The following CD6 variants were observed in gnomAD, a reference collection of about 807,000 sequenced individuals.
CD6 encodes CD6 molecule, also known as T-cell differentiation antigen CD6.
Under a neutral mutation model 75.3 loss-of-function variants are expected in CD6, and 53 were observed. That is an observed-to-expected ratio of 0.70 (90% confidence interval 0.56 to 0.88). The LOEUF (loss-of-function observed/expected upper bound fraction) is 0.88. Ranked by LOEUF, CD6 falls within the 40% of genes least tolerant of loss-of-function variation. The pLI, the probability that CD6 is intolerant of heterozygous loss-of-function variation, is 0.00. For synonymous variants in CD6, 359 were observed against 381.5 expected, an observed-to-expected ratio of 0.94 and a Z score of 0.69; for missense variants, 770 against 897.1, an observed-to-expected ratio of 0.86 and a Z score of 1.81.
intron 8 of CD6, among the ~76,000 whole-genome samples, chr11:61,014,835 A>G (rs1349247902): frequency 6.6e-6 from 1 of 152,230 alleles, no homozygotes; most frequent in Non-Finnish European, 1.5e-5. Flanking sequence ...TGCATTATGA[A>G]TGTATTCAAT....
At chr11:61,014,127 T>G in intron 8 of CD6, 113 bp downstream of exon 8, 7 of 703,936 alleles carry the variant, frequency 9.9e-6, no homozygotes, top group Non-Finnish European at 1.4e-5. Context: ...GGAGATGAGA[T>G]CTGGGCCAGC....
At chr11:60,990,806 A>AGGCTGATGCGGG (rs1565147498) in intron 1 of CD6, among the ~76,000 whole-genome samples, 1 of 100,140 alleles carries the variant, frequency 1.0e-5, no homozygotes. Context: ...ACCCTACTGG[A>AGGCTGATGCGGG]CATATTGTTC....
chr11:60,976,158 C>T (rs1369284785), intron 1 of CD6, among the ~76,000 whole-genome samples: 1 of 152,138 alleles, frequency 6.6e-6, no homozygotes, highest in Non-Finnish European at 1.5e-5. Flanking sequence ...AATTTTCATT[C>T]CTCACTCCCC....
At chr11:61,006,748 G>GGT in intron 2 of CD6, 106 bp downstream of exon 2, 1 of 891,378 alleles carries the variant, frequency 1.1e-6, no homozygotes, top group Non-Finnish European at 1.8e-6. Flanking sequence ...GAGGCTCCCT[G>GGT]ACTTCAGACA....
At chr11:61,011,226 G>C in intron 6 of CD6, 91 bp downstream of exon 6, 1 of 836,822 alleles carries the variant, frequency 1.2e-6, no homozygotes, top group Non-Finnish European at 1.7e-6. Context: ...CCTGTGTTGG[G>C]GTGGAGGATG....
chr11:60,985,553 A>G (rs1857778040), intron 1 of CD6, among the ~76,000 whole-genome samples: 1 of 147,144 alleles, frequency 6.8e-6, no homozygotes, highest in Admixed American at 7.2e-5. Context: ...ATCTCAAACC[A>G]ATACTACTTA....
rs537284457 is a variant in CD6, at chr11:61,003,487, A to G, written c.50-3087A>G. The stretch of plus-strand genomic sequence containing the variant: ...GTGGCTCACGCCTGTAATCCCAACA[A>G]TTTGGGAGGCTGAGGTGGGCAGATC... On this transcript the variant is annotated intron_variant, in intron 1 of 12. Transcript: ENST00000313421. Among the ~76,000 whole-genome samples the G allele has an allele frequency of 4.6e-5, 7 of 152,068 alleles. No homozygotes were observed. The South Asian group carries it at 1.5e-3, about 32-fold the overall frequency.
intron 9 of CD6, among the ~76,000 whole-genome samples, 170 bp downstream of exon 9, chr11:61,016,005 C>T (rs142252382): frequency 3.3e-5 from 5 of 152,358 alleles, no homozygotes; most frequent in South Asian, 2.1e-4. Context: ...ACGTTTGCAC[C>T]GTGCTTTGTG....
chr11:61,003,627 G>A (rs968791543), intron 1 of CD6, among the ~76,000 whole-genome samples: 1 of 152,126 alleles, frequency 6.6e-6, no homozygotes, highest in Non-Finnish European at 1.5e-5. Flanking sequence ...CTAGCTACTC[G>A]GGAAACTGAG....
chr11:60,997,373 C>T (rs866209602), intron 1 of CD6, among the ~76,000 whole-genome samples: 10 of 136,136 alleles, frequency 7.3e-5, no homozygotes, highest in African/African-American at 2.5e-4. Context: ...GGCGAGACTC[C>T]GTCTCAAAAA....
At position 61,001,882 on chromosome 11, in the gene CD6, C is replaced by T. The variant is rs1038487107; in HGVS notation, c.50-4692C>T. 6.6e-5 allele frequency among the ~76,000 whole-genome samples: 10 copies of T among 152,336 alleles called. No individual in the cohort carries two copies. The East Asian group carries it at 7.7e-4, about 12-fold the overall frequency. Reference sequence around the variant, plus strand: ...AGCAAAGGCCGGGTCCTTCTAAGCACGGGGCCCTGTGCACAGTCCACCAGC... The same window carrying T: ...AGCAAAGGCCGGGTCCTTCTAAGCATGGGGCCCTGTGCACAGTCCACCAGC... On this transcript the variant is annotated intron_variant, in intron 1 of 12. Transcript: ENST00000313421.
chr11:61,019,961 T>C lies in CD6; in HGVS notation c.*643T>C, dbSNP rs1311903462. The C allele has an allele frequency of 3.8e-5, 15 of 395,592 alleles. No homozygotes were observed. Among genetic ancestry groups the C allele is most frequent in the South Asian group, 1.4e-4 (1 of 6,994 alleles). 24.5% of individuals were successfully genotyped at this position (395,592 alleles called of 1,614,324 possible). ...GACTGTGTACCCCCAACCAAGGAGC[T>C]GGGGCCCAAGGCCAGTCCTGCCCCA... On this transcript the variant is annotated 3_prime_UTR_variant, in exon 13 of 13. Coordinates refer to ENST00000313421, the MANE Select transcript of CD6 (RefSeq NM_006725.5).
At chr11:60,986,524 T>G (rs1272350097) in intron 1 of CD6, among the ~76,000 whole-genome samples, 2 of 152,226 alleles carry the variant, frequency 1.3e-5, no homozygotes, top group Non-Finnish European at 2.9e-5. Context: ...CCTGAAGATC[T>G]CTATGGAACT....
intron 1 of CD6, among the ~76,000 whole-genome samples, chr11:60,980,423 G>A (rs1857518709): frequency 6.6e-6 from 1 of 152,086 alleles, no homozygotes; most frequent in South Asian, 2.1e-4. Context: ...AATGACTTGA[G>A]CCCAGGAGGT....
At chr11:60,993,184 A>C (rs1858136488) in intron 1 of CD6, among the ~76,000 whole-genome samples, 1 of 151,762 alleles carries the variant, frequency 6.6e-6, no homozygotes, top group Non-Finnish European at 1.5e-5. Flanking sequence ...ACTACAGCCC[A>C]CATCTCCTCC....
At chr11:61,004,142 A>G (rs1354124420) in intron 1 of CD6, among the ~76,000 whole-genome samples, 3 of 152,168 alleles carry the variant, frequency 2.0e-5, no homozygotes, top group African/African-American at 7.2e-5. Flanking sequence ...GAGAGATGAT[A>G]CAGAGCAGAG....
chr11:61,007,088 T>C lies in CD6; in HGVS notation c.118+446T>C, dbSNP rs1858896999. ...CACCATCAGCTGAAGCAGCCCATCA[T>C]CAACCCCATGGCCAGCCGCTTCACA... is the stretch of plus-strand genomic sequence containing the variant. On this transcript the variant is annotated intron_variant, in intron 2 of 12. Coordinates refer to ENST00000313421, the MANE Select transcript of CD6 (RefSeq NM_006725.5). The surrounding 1 kb of genome is among the most constrained non-coding windows in gnomAD (Gnocchi z 4.2). Among the ~76,000 whole-genome samples the C allele has an allele frequency of 1.3e-5, 2 of 152,114 alleles. No individual in the cohort carries two copies. Among genetic ancestry groups the C allele is most frequent in the African/African-American group, 4.8e-5 (2 of 41,420 alleles).
At chr11:60,985,142 C>T (rs117789849) in intron 1 of CD6, 3,127 of 139,430 alleles carry the variant, frequency 0.022, 51 homozygotes, top group Non-Finnish European at 0.036. Context: ...TTCCAGTTTT[C>T]GTATATGTAC....
At chr11:61,013,657 C>T (rs780380708) in intron 7 of CD6, 94 bp downstream of exon 7, 144 of 1,368,738 alleles carry the variant, frequency 1.1e-4, no homozygotes, top group Non-Finnish European at 1.4e-4. Flanking sequence ...CAATGACCAC[C>T]CGGCCCTGGC....
Sources: allele counts gnomAD v4.1 joint callset (sites outside exome capture counted in the v4.1 genomes callset), GRCh38; gene constraint gnomAD v4.1.1; non-coding constraint Gnocchi (gnomAD v3.1); transcripts MANE v1.5; gene names NCBI Gene and HGNC (gene_info 2026-07-23, HGNC 2026-07-21).